ADAMTS12: variants seen among roughly 807,000 people sequenced by gnomAD.
The protein encoded by ADAMTS12 is A disintegrin and metalloproteinase with thrombospondin motifs 12.
A neutral mutation model predicts 167.8 loss-of-function variants in ADAMTS12; 118 were observed. That is an observed-to-expected ratio of 0.70 (90% CI 0.61 to 0.82). The LOEUF is 0.82. Ranked by LOEUF, ADAMTS12 falls within the 40% of genes least tolerant of loss-of-function variation. The probability of loss-of-function intolerance (pLI) is 0.00; values close to 1 mark genes in which losing one functional copy is unlikely to be tolerated. For missense variants in ADAMTS12, 1,916 were observed against 1,998.8 expected (o/e 0.96, Z 0.79); for synonymous variants, 704 against 716.9 (o/e 0.98, Z 0.29).
At chr5:33,775,768 T>C (rs1344301271) in intron 2 of ADAMTS12, among the ~76,000 whole-genome samples, 1 of 151,960 alleles carries the variant, frequency 6.6e-6, no homozygotes, top group Non-Finnish European at 1.5e-5. Flanking sequence ...CCACGTGGGG[T>C]GCTGGGATCT....
intron 2 of ADAMTS12, among the ~76,000 whole-genome samples, chr5:33,783,623 T>C (rs1217096173): frequency 6.6e-6 from 1 of 151,850 alleles, no homozygotes; most frequent in African/African-American, 2.4e-5. Flanking sequence ...ATTAGACAAA[T>C]TATATGAAAT....
intron 13 of ADAMTS12, among the ~76,000 whole-genome samples, chr5:33,629,919 A>G (rs532839008): frequency 6.6e-6 from 1 of 152,240 alleles, no homozygotes; most frequent in East Asian, 1.9e-4. Context: ...TCTGTCTGTT[A>G]TTTAGGTTAA....
chr5:33,537,924 C>G (rs1296491178), intron 22 of ADAMTS12, among the ~76,000 whole-genome samples: 2 of 152,180 alleles, frequency 1.3e-5, no homozygotes, highest in Non-Finnish European at 2.9e-5. Context: ...TGCACAGGAA[C>G]AAGTTACTTT....
At chr5:33,629,652 G>A (rs1233397023) in intron 13 of ADAMTS12, among the ~76,000 whole-genome samples, 1 of 152,186 alleles carries the variant, frequency 6.6e-6, no homozygotes, top group African/African-American at 2.4e-5. Context: ...CTTTTGCAAT[G>A]ACATCTGCCC....
intron 20 of ADAMTS12, among the ~76,000 whole-genome samples, chr5:33,560,771 G>T (rs13165056): frequency 1.6e-5 from 2 of 126,524 alleles, no homozygotes; most frequent in South Asian, 6.4e-4. Flanking sequence ...GGCCTGTTGT[G>T]GGGTGGGGGG....
intron 2 of ADAMTS12, among the ~76,000 whole-genome samples, chr5:33,862,012 G>A (rs1225382973): frequency 1.3e-5 from 2 of 152,150 alleles, no homozygotes; most frequent in Non-Finnish European, 2.9e-5. Flanking sequence ...CAGAATCTCT[G>A]GGACACAGCT....
At chr5:33,787,554 G>A (rs1000855455) in intron 2 of ADAMTS12, among the ~76,000 whole-genome samples, 4 of 152,224 alleles carry the variant, frequency 2.6e-5, no homozygotes, top group African/African-American at 9.6e-5. Context: ...TATGGGGTAG[G>A]TTTGGCAGTG....
Position 33,881,377 on chromosome 5 carries a change from G to T in ADAMTS12, c.231C>A (p.Ser77Arg). ...LSYGLHYPIT[S>R]SRRKRDLDGS... ...CATCCAAATCTCTCTTCCTCCTGCT[G>T]CTCGTGATGGGATAGTGCAAGCCAT... is the stretch of plus-strand genomic sequence containing the variant. The change falls in exon 2 of 24, where the codon AGC (serine) becomes AGA (arginine). Residue 77 changes from serine (S) to arginine (R), a missense_variant. Ser to Arg is a moderately radical substitution (Grantham distance 110). Coordinates refer to ENST00000504830, the MANE Select transcript of ADAMTS12 (RefSeq NM_030955.4). The T allele has an allele frequency of 6.2e-7, 1 of 1,614,164 alleles. No individual in the cohort carries two copies. The highest frequency in any genetic ancestry group is 8.5e-7 in the Non-Finnish European group (1 of 1,180,030).
chr5:33,533,624 A>T (rs751110654), intron 23 of ADAMTS12, among the ~76,000 whole-genome samples: 2 of 152,214 alleles, frequency 1.3e-5, no homozygotes, highest in Non-Finnish European at 2.9e-5. Context: ...AGTAAGGCCA[A>T]TGAAAGCCAC....
In ADAMTS12 at chr5:33,777,116, A is replaced by G. The variant is rs112734858; in HGVS notation, c.490-25568T>C. On this transcript the variant is annotated intron_variant, in intron 2 of 23. Coordinates refer to ENST00000504830, the MANE Select transcript of ADAMTS12 (RefSeq NM_030955.4). ...AACATTTAAAGAGAAATTAACACCA[A>G]TCCTTCCCAAACTCTTCGAAAATAT... Among the ~76,000 whole-genome samples, 306 of 152,228 alleles carry G rather than the reference A, an allele frequency of 2.0e-3. 5 individuals are homozygous for G. The highest frequency in any genetic ancestry group is 5.6e-3 in the African/African-American group (232 of 41,560).
intron 18 of ADAMTS12, among the ~76,000 whole-genome samples, chr5:33,578,028 A>G (rs948642043): frequency 6.6e-6 from 1 of 152,198 alleles, no homozygotes; most frequent in Non-Finnish European, 1.5e-5. Flanking sequence ...GCTATAAAAC[A>G]CTAAATGTCT....
chr5:33,891,921 C>A lies in ADAMTS12; in HGVS notation c.-65G>T. ...AGCCCTCAGCTCCAGAAATAAAGCG[C>A]TCGCCTGTGGCCCAGCAGGAAGATG... On this transcript the variant is annotated 5_prime_UTR_variant, in exon 1 of 24. Coordinates refer to ENST00000504830, the MANE Select transcript of ADAMTS12 (RefSeq NM_030955.4). The A allele has an allele frequency of 6.3e-7, 1 of 1,579,308 alleles. No homozygotes were observed.
chr5:33,595,544 A>G (rs1446234279), intron 17 of ADAMTS12, among the ~76,000 whole-genome samples: 1 of 152,228 alleles, frequency 6.6e-6, no homozygotes, highest in East Asian at 1.9e-4. Flanking sequence ...AGCCTGAAGT[A>G]CAAGTGGGCA....
Position 33,525,786 on chromosome 5 carries a change from A to C in ADAMTS12, c.*1402T>G, listed in dbSNP as rs1743786065. The C allele has an allele frequency of 1.3e-5, 2 of 152,178 alleles. No individual in the cohort carries two copies. Among genetic ancestry groups the C allele is most frequent in the Admixed American group, 6.6e-5 (1 of 15,264 alleles). 9.4% of individuals were successfully genotyped at this position (152,178 alleles called of 1,614,324 possible). On this transcript the variant is annotated 3_prime_UTR_variant, in exon 24 of 24. Coordinates refer to ENST00000504830, the MANE Select transcript of ADAMTS12 (RefSeq NM_030955.4). Reference sequence around the variant, plus strand: ...TTCTCCCTGTCAAGAATTGGTTCTGATATCTTCTTTCATTTGAAGCTTATG... The same window carrying C: ...TTCTCCCTGTCAAGAATTGGTTCTGCTATCTTCTTTCATTTGAAGCTTATG...
chr5:33,771,702 T>A (rs990772496), intron 2 of ADAMTS12, among the ~76,000 whole-genome samples: 1 of 151,900 alleles, frequency 6.6e-6, no homozygotes, highest in Non-Finnish European at 1.5e-5. Flanking sequence ...ATGGTTAAGA[T>A]GGTACATTTT....
chr5:33,816,455 T>C (rs1747656436), intron 2 of ADAMTS12, among the ~76,000 whole-genome samples: 7 of 152,168 alleles, frequency 4.6e-5, no homozygotes, highest in Admixed American at 4.6e-4. Context: ...TTTGTACCTT[T>C]TGACCATCAT....
At chr5:33,552,893 A>G (rs1241915431) in intron 20 of ADAMTS12, among the ~76,000 whole-genome samples, 2 of 152,234 alleles carry the variant, frequency 1.3e-5, no homozygotes, top group Non-Finnish European at 2.9e-5. Context: ...GTACAGCAAA[A>G]GAAACTATCA....
intron 2 of ADAMTS12, among the ~76,000 whole-genome samples, chr5:33,858,531 A>G (rs1749489074): frequency 1.3e-5 from 2 of 151,922 alleles, no homozygotes; most frequent in Non-Finnish European, 2.9e-5. Flanking sequence ...GGTGTTGCAC[A>G]CCAGTAGTCG....
In ADAMTS12 at chr5:33,751,087, AAG is replaced by A. The variant is rs1744956689; in HGVS notation, c.634+315_634+316del. On this transcript the variant is annotated intron_variant, in intron 3 of 23. Coordinates refer to ENST00000504830, the MANE Select transcript of ADAMTS12 (RefSeq NM_030955.4). ...AATTATTTTCCTGTAGACTATTCAG[AAG>A]AGTTTTTTAAAAAAAATTCATTGTA... The A allele has an allele frequency of 1.3e-5, 6 of 448,560 alleles. No homozygotes were observed. The East Asian group carries it at 2.1e-4, about 16-fold the overall frequency. 27.8% of individuals were successfully genotyped at this position (448,560 alleles called of 1,614,324 possible).
Sources: gnomAD v4.1 joint callset for allele counts (sites outside exome capture counted in the v4.1 genomes callset) on GRCh38, gnomAD v4.1.1 for gene constraint, MANE v1.5 for transcripts, NCBI Gene and HGNC (gene_info 2026-07-23, HGNC 2026-07-21) for gene names.